The following ZNF850 variants were observed in gnomAD, a reference collection of about 807,000 sequenced individuals.
ZNF850 encodes the protein putative zinc finger protein ENSP00000330994.
In ZNF850, 2 loss-of-function variants were observed where a neutral mutation model predicts 11.9. The observed-to-expected ratio is 0.17, with a 90% confidence interval of 0.07 to 0.53. The LOEUF (loss-of-function observed/expected upper bound fraction) is 0.53. ZNF850 is among the 20% of genes least tolerant of loss of function. The probability of loss-of-function intolerance (pLI) is 0.94; values close to 1 mark genes in which losing one functional copy is unlikely to be tolerated. For missense variants in ZNF850, 1,014 were observed against 1,316.4 expected, an observed-to-expected ratio of 0.77 and a Z score of 3.55; for synonymous variants, 381 against 443.0, an observed-to-expected ratio of 0.86 and a Z score of 1.76.
chr19:36,765,005 GCCC>G, intron 1 of ZNF850, among the ~76,000 whole-genome samples: 1 of 151,864 alleles, frequency 6.6e-6, no homozygotes, highest in African/African-American at 2.4e-5. Flanking sequence ...TTTCTAACTT[GCCC>G]CCTGTATTAG....
chr19:36,762,761 C>A, intron 1 of ZNF850, 86 bp from the exon 2 acceptor site: 2 of 744,238 alleles, frequency 2.7e-6, no homozygotes, highest in Non-Finnish European at 4.4e-6. Flanking sequence ...GTAGGCCTAG[C>A]AAAGCTGAAA....
chr19:36,750,794 A>C lies in ZNF850; in HGVS notation c.246T>G (p.Phe82Leu). The C allele has an allele frequency of 6.6e-7, 1 of 1,504,324 alleles. No individual in the cohort carries two copies. The highest frequency in any genetic ancestry group is 1.2e-5 in the South Asian group (1 of 80,228). The allele number at this position is 1,504,324 out of a possible 1,614,324, so 93.2% of individuals were successfully genotyped here. ...VLGGWCRDSE[F>L]RCKTKDSCLP... ...AACATGAATCTTTGGTCTTACATCTAAACTCCGAGTCTGAAAAATAACCAG... is the reference window on the plus strand; with the variant it reads ...AACATGAATCTTTGGTCTTACATCTCAACTCCGAGTCTGAAAAATAACCAG... Residue 82 changes from phenylalanine (F) to leucine (L), a missense_variant, in exon 5 of 5, where the codon TTT becomes TTG. This residue lies in a region of ZNF850 where 835 missense variants were observed against 1,022.0 expected (regional missense o/e 0.82). Coordinates refer to ENST00000591344, the MANE Select transcript of ZNF850 (RefSeq NM_001193552.2).
chr19:36,772,289 C>T (rs2040589657), intron 1 of ZNF850, among the ~76,000 whole-genome samples: 1 of 152,112 alleles, frequency 6.6e-6, no homozygotes, highest in Non-Finnish European at 1.5e-5. Context: ...AGTTTTTTCT[C>T]TCAAGGGGAC....
intron 4 of ZNF850, among the ~76,000 whole-genome samples, chr19:36,758,361 G>A (rs1371437327): frequency 6.6e-6 from 1 of 152,244 alleles, no homozygotes; most frequent in East Asian, 1.9e-4. Context: ...ATTAAAAATT[G>A]TATCATGAAA....
intron 4 of ZNF850, among the ~76,000 whole-genome samples, chr19:36,759,432 G>A (rs2040505677): frequency 6.6e-6 from 1 of 152,104 alleles, no homozygotes; most frequent in Non-Finnish European, 1.5e-5. Context: ...CTGTGATTGT[G>A]CCACCGTACT....
At position 36,747,742 on chromosome 19, in the gene ZNF850, G is replaced by T; in HGVS notation, c.*25C>A. 1 of 1,464,066 alleles carries T rather than the reference G, an allele frequency of 6.8e-7. No individual in the cohort carries two copies. Among genetic ancestry groups the T allele is most frequent in the Non-Finnish European group, 9.0e-7 (1 of 1,110,806 alleles). 90.7% of individuals were successfully genotyped at this position (1,464,066 alleles called of 1,614,324 possible). ...ATCTGCTGATGATCCATGACAAATGGCATGAGAACAGTTTCCTACATTAAT... is the reference window on the plus strand; with the variant it reads ...ATCTGCTGATGATCCATGACAAATGTCATGAGAACAGTTTCCTACATTAAT... On this transcript the variant is annotated 3_prime_UTR_variant, in exon 5 of 5. Transcript: ENST00000591344.
chr19:36,750,153 A>C lies in ZNF850; in HGVS notation c.887T>G (p.Leu296Arg), dbSNP rs1328667152. 13 of 1,538,848 alleles carry C rather than the reference A, an allele frequency of 8.4e-6. No homozygotes were observed. The highest frequency in any genetic ancestry group is 1.0e-5 in the Non-Finnish European group (12 of 1,146,960). The change falls in exon 5 of 5, where the codon CTA (leucine) becomes CGA (arginine). Residue 296 changes from leucine to arginine, a missense_variant. Leu to Arg is a moderately radical substitution (Grantham distance 102, BLOSUM62 -2). Coordinates refer to ENST00000591344, the MANE Select transcript of ZNF850 (RefSeq NM_001193552.2). ...AGTGTGAATTTGCTGATGTTGATTT[A>C]GTGTTGAGCCAGAAGTAAAAGATTT... is the stretch of plus-strand genomic sequence containing the variant. ...CGKSFTSGST[L>R]NQHQQIHTGE...
At chr19:36,755,784 G>C (rs541394554) in intron 4 of ZNF850, among the ~76,000 whole-genome samples, 5 of 151,154 alleles carry the variant, frequency 3.3e-5, no homozygotes, top group African/African-American at 7.3e-5. Context: ...GAACCAAAAG[G>C]CTTCAAATAC....
intron 1 of ZNF850, among the ~76,000 whole-genome samples, chr19:36,764,727 T>G (rs1453881744): frequency 1.4e-5 from 1 of 70,094 alleles, no homozygotes; most frequent in East Asian, 3.3e-4. Flanking sequence ...TCCTTTCCCT[T>G]TTTTTTTTTT....
chr19:36,750,545 AG>A lies in ZNF850; in HGVS notation c.494del (p.Pro165LeufsTer95). The A allele has an allele frequency of 6.5e-7, 1 of 1,536,210 alleles. No homozygotes were observed. Among genetic ancestry groups the A allele is most frequent in the Non-Finnish European group, 8.7e-7 (1 of 1,146,922 alleles). On this transcript the variant is annotated frameshift_variant, in exon 5 of 5. Transcript: ENST00000591344. LOFTEE classifies it low-confidence loss of function (END_TRUNC). ...CTGTGGATTTATACAGTTTCTCTCC[AG>A]GATGAATCCGATGATGCAGAGTGAG... ...TSLTLHHRIH[P>X]GEKLYKSTEC... is the part of the protein sequence containing the mutation.
chr19:36,755,906 CTTTT>C (rs5827965), intron 4 of ZNF850, among the ~76,000 whole-genome samples: 100 of 118,060 alleles, frequency 8.5e-4, no homozygotes, highest in Middle Eastern at 5.2e-3. Flanking sequence ...AGTTTTTAGC[CTTTT>C]TTTTTTTTTT....
rs1446812051 is a variant in ZNF850, at chr19:36,749,291, G to A, written c.1749C>T (p.His583=). 9 of 1,570,176 alleles carry A rather than the reference G, an allele frequency of 5.7e-6. No homozygotes were observed. In the East Asian group the frequency reaches 2.1e-4, roughly 37 times the overall value. The change falls in exon 5 of 5, where the codon CAC becomes CAT. Residue 583 remains histidine (H), a synonymous_variant. Transcript: ENST00000591344. ...RSALIQHQRI[H]TGEKPYHCKE... ...TACAGTGATAGGGTTTCTCACCAGT[G>A]TGAATTCGCTGATGTTGAATTAGTG...
chr19:36,748,588 AT>A lies in ZNF850; in HGVS notation c.2451del (p.Glu817AspfsTer12). On this transcript the variant is annotated frameshift_variant, in exon 5 of 5. Coordinates refer to ENST00000591344, the MANE Select transcript of ZNF850 (RefSeq NM_001193552.2). LOFTEE classifies it low-confidence loss of function (END_TRUNC). The stretch of plus-strand genomic sequence containing the variant: ...GAGCGAAGAGTAAAAGATTTCCCAC[AT>A]TCCTTGCAATGATAAGGTTTCTCAC... ...HTGEKPYHCK[E>X]CGKSFTLRSA... The A allele has an allele frequency of 6.5e-7, 1 of 1,537,146 alleles. No individual in the cohort carries two copies. The highest frequency in any genetic ancestry group is 1.2e-5 in the South Asian group (1 of 84,068).
intron 4 of ZNF850, among the ~76,000 whole-genome samples, chr19:36,759,581 C>CA (rs1457499869): frequency 6.6e-6 from 1 of 152,154 alleles, no homozygotes; most frequent in Non-Finnish European, 1.5e-5. Flanking sequence ...CAGAGGTCAA[C>CA]AGGCATAGAT....
intron 1 of ZNF850, among the ~76,000 whole-genome samples, chr19:36,769,672 G>A (rs2040570205): frequency 6.6e-6 from 1 of 152,172 alleles, no homozygotes; most frequent in South Asian, 2.1e-4. Flanking sequence ...AACCCCCAAT[G>A]TGAACCCATT....
chr19:36,759,646 G>T (rs2040506739), intron 4 of ZNF850, among the ~76,000 whole-genome samples: 1 of 152,050 alleles, frequency 6.6e-6, no homozygotes, highest in Non-Finnish European at 1.5e-5. Flanking sequence ...CTAGGAAATG[G>T]ATTTGGGGGA....
intron 1 of ZNF850, among the ~76,000 whole-genome samples, chr19:36,764,264 T>TACAAA (rs2145967265): frequency 6.6e-6 from 1 of 151,994 alleles, no homozygotes; most frequent in African/African-American, 2.4e-5. Context: ...TAAAGTAAAA[T>TACAAA]AAAATACAAA....
intron 1 of ZNF850, among the ~76,000 whole-genome samples, chr19:36,769,908 T>A (rs1340700304): frequency 1.3e-5 from 2 of 152,224 alleles, no homozygotes; most frequent in Non-Finnish European, 2.9e-5. Flanking sequence ...CCAAAACTGG[T>A]CCCCTTTCAG....
chr19:36,757,166 T>TA (rs1362611562), intron 4 of ZNF850, among the ~76,000 whole-genome samples: 1 of 152,130 alleles, frequency 6.6e-6, no homozygotes. Flanking sequence ...TTTGTTTATC[T>TA]GAGGGGCAAA....
Sources: gnomAD v4.1 joint callset for allele counts (sites outside exome capture counted in the v4.1 genomes callset) on GRCh38, gnomAD v4.1.1 for gene constraint, gnomAD v4.1.1 regional missense constraint, MANE v1.5 for transcripts, NCBI Gene and HGNC (gene_info 2026-07-23, HGNC 2026-07-21) for gene names.